KCNMA1: variants seen among roughly 807,000 people sequenced by gnomAD.
The protein encoded by KCNMA1 is potassium calcium-activated channel subfamily M alpha 1.
In KCNMA1, 29 loss-of-function variants were observed where a neutral mutation model predicts 140.0. The ratio of observed to expected loss-of-function variants is 0.21; its 90% confidence interval spans 0.15 to 0.28. KCNMA1 has a LOEUF of 0.28. Among genes scored for constraint, KCNMA1 ranks in the 10% least tolerant of loss-of-function variants. The pLI, the probability that KCNMA1 is intolerant of heterozygous loss-of-function variation, is 1.00. For synonymous variants in KCNMA1, 612 were observed against 611.9 expected (o/e 1.00, Z 0.00); for missense variants, 880 against 1,602.2 (o/e 0.55, Z 7.70).
intron 5 of KCNMA1, among the ~76,000 whole-genome samples, chr10:77,168,822 TA>T (rs1401437483): frequency 6.6e-6 from 1 of 152,184 alleles, no homozygotes; most frequent in Non-Finnish European, 1.5e-5. Flanking sequence ...TAAAAGAATA[TA>T]TAACATAGCT....
At chr10:77,442,793 C>T (rs886298189) in intron 1 of KCNMA1, among the ~76,000 whole-genome samples, 1 of 152,192 alleles carries the variant, frequency 6.6e-6, no homozygotes, top group Non-Finnish European at 1.5e-5. Context: ...TCCTCCTTCA[C>T]ACCCAAGAGG....
intron 1 of KCNMA1, among the ~76,000 whole-genome samples, chr10:77,597,921 A>G (rs2081394131): frequency 6.6e-6 from 1 of 152,180 alleles, no homozygotes; most frequent in Non-Finnish European, 1.5e-5. Context: ...TTTTCTCCAT[A>G]GCACTTATCA....
At position 77,035,501 on chromosome 10, in the gene KCNMA1, AT is replaced by A. The variant is rs370549635; in HGVS notation, c.1859+4026del. 3.0e-4 allele frequency among the ~76,000 whole-genome samples: 46 copies of A among 151,686 alleles called. No homozygotes were observed. In the South Asian group the frequency reaches 9.5e-3, roughly 31 times the overall value. The stretch of plus-strand genomic sequence containing the variant: ...GGCAGCCACCCTAGGGAAACTGAAT[AT>A]TTTACTTGGCATTTGTTGGCATTTG... On this transcript the variant is annotated intron_variant, in intron 15 of 27. Coordinates refer to ENST00000286628, the MANE Select transcript of KCNMA1 (RefSeq NM_001161352.2).
intron 23 of KCNMA1, among the ~76,000 whole-genome samples, chr10:76,941,020 A>AGGAAGGAAGGAAGAAG (rs747397299): frequency 1.7e-5 from 1 of 57,764 alleles, no homozygotes; most frequent in Non-Finnish European, 3.5e-5. Context: ...GAAGGAAGGA[A>AGGAAGGAAGGAAGAAG]GAAAGAAAGA....
chr10:77,610,706 T>G (rs1347807148), intron 1 of KCNMA1, among the ~76,000 whole-genome samples: 1 of 152,024 alleles, frequency 6.6e-6, no homozygotes, highest in Non-Finnish European at 1.5e-5. Flanking sequence ...CCACACAGAG[T>G]AGACCAGCCA....
intron 26 of KCNMA1, 177 bp from the exon 27 acceptor site, chr10:76,889,746 T>C (rs1283976915): frequency 1.2e-5 from 8 of 661,802 alleles, no homozygotes; most frequent in South Asian, 3.4e-5. Flanking sequence ...CTACACCCAA[T>C]ATGTGTGATT....
intron 5 of KCNMA1, among the ~76,000 whole-genome samples, chr10:77,157,519 T>C (rs565724666): frequency 1.3e-5 from 2 of 152,284 alleles, no homozygotes; most frequent in South Asian, 4.1e-4. Context: ...TTCTCTTAAA[T>C]GAATATGTTG....
In KCNMA1 at chr10:77,365,719, G is replaced by A. The variant is rs1371460; in HGVS notation, c.540+38143C>T. Among the ~76,000 whole-genome samples the A allele has an allele frequency of 1.3e-3, 198 of 152,144 alleles. 1 individual carries two copies. Among genetic ancestry groups the A allele is most frequent in the African/African-American group, 4.5e-3 (186 of 41,484 alleles). On this transcript the variant is annotated intron_variant, in intron 2 of 27. Coordinates refer to ENST00000286628, the MANE Select transcript of KCNMA1 (RefSeq NM_001161352.2). ...TTTCACCTTGGTGTGTGAACTTGCC[G>A]CTGACTTCCCAAATGAGTTCTGAGA...
chr10:77,023,036 C>A, intron 16 of KCNMA1: 1 of 428,250 alleles, frequency 2.3e-6, no homozygotes, highest in Admixed American at 2.5e-5. Context: ...AATTGGCTAG[C>A]GGGGCTCAGT....
At chr10:77,207,905 T>C (rs1405809847) in intron 3 of KCNMA1, among the ~76,000 whole-genome samples, 1 of 152,234 alleles carries the variant, frequency 6.6e-6, no homozygotes, top group Admixed American at 6.5e-5. Flanking sequence ...GACATTTCTG[T>C]TTAGAAGAGC....
chr10:76,995,503 G>T (rs1331225951), intron 19 of KCNMA1: 1 of 470,436 alleles, frequency 2.1e-6, no homozygotes, highest in Non-Finnish European at 4.4e-6. Flanking sequence ...TACAGTAAAG[G>T]TCAGGATTTG....
At position 77,202,596 on chromosome 10, in the gene KCNMA1, A is replaced by G. The variant is rs139380142; in HGVS notation, c.603-17680T>C. On this transcript the variant is annotated intron_variant, in intron 3 of 27. Coordinates refer to ENST00000286628, the MANE Select transcript of KCNMA1 (RefSeq NM_001161352.2). ...GGAGCCAACAAGTGATACCTGCTTA[A>G]TGAAGGTGCAGGGTGACACTAAGAG... 1.7e-3 allele frequency among the ~76,000 whole-genome samples: 259 copies of G among 152,308 alleles called. No homozygotes were observed. The Middle Eastern group carries it at 0.02, about 12-fold the overall frequency.
chr10:77,377,502 G>A (rs2154424358), intron 2 of KCNMA1, among the ~76,000 whole-genome samples: 1 of 152,256 alleles, frequency 6.6e-6, no homozygotes, highest in South Asian at 2.1e-4. Context: ...GGGTGTGGTG[G>A]AAATGACCTC....
intron 1 of KCNMA1, among the ~76,000 whole-genome samples, chr10:77,487,550 C>G (rs1361912664): frequency 6.6e-6 from 1 of 152,200 alleles, no homozygotes; most frequent in African/African-American, 2.4e-5. Context: ...ACCCCCATTG[C>G]ACCTTCAACA....
chr10:77,109,647 G>A (rs1335862342), intron 8 of KCNMA1, among the ~76,000 whole-genome samples: 6 of 152,188 alleles, frequency 3.9e-5, no homozygotes, highest in Non-Finnish European at 8.8e-5. Context: ...CTCACATGGG[G>A]ATGTCCGCCT....
intron 5 of KCNMA1, among the ~76,000 whole-genome samples, chr10:77,161,030 T>A (rs2098548534): frequency 2.6e-5 from 4 of 152,236 alleles, no homozygotes; most frequent in Admixed American, 2.6e-4. Flanking sequence ...GGCTCTTTCA[T>A]CCACTCAATA....
chr10:77,438,241 T>C (rs936512432), intron 1 of KCNMA1, among the ~76,000 whole-genome samples: 1 of 152,044 alleles, frequency 6.6e-6, no homozygotes, highest in African/African-American at 2.4e-5. Flanking sequence ...GACTTTCATG[T>C]GGGCTCTAAT....
intron 25 of KCNMA1, chr10:76,903,757 G>A (rs1238592141): frequency 1.3e-5 from 2 of 152,218 alleles, no homozygotes; most frequent in Non-Finnish European, 2.9e-5. Flanking sequence ...CCAGGTTCAA[G>A]GGTTTGGCCC....
intron 5 of KCNMA1, chr10:77,140,337 G>A (rs1274933799): frequency 6.5e-6 from 1 of 152,816 alleles, no homozygotes; most frequent in South Asian, 2.1e-4. Flanking sequence ...ATGACTGCCG[G>A]AAGTTCGGCG....
Sources: allele counts gnomAD v4.1 joint callset (sites outside exome capture counted in the v4.1 genomes callset), GRCh38; gene constraint gnomAD v4.1.1; transcripts MANE v1.5; gene names NCBI Gene and HGNC (gene_info 2026-07-23, HGNC 2026-07-21).